Variants in ERICH2 observed in about 807,000 individuals in gnomAD.
ERICH2 encodes the protein glutamate rich 2.
Under a neutral mutation model 17.4 loss-of-function variants are expected in ERICH2, and 17 were observed. The observed-to-expected ratio is 0.98, with a 90% CI of 0.67 to 1.47. The LOEUF is 1.47. Ranked by LOEUF, ERICH2 falls within the 40% of genes most tolerant of loss-of-function variation. The pLI is 0.00. For missense variants in ERICH2, 186 were observed against 183.2 expected (o/e 1.01, Z -0.09); for synonymous variants, 51 against 61.1 (o/e 0.83, Z 0.77).
chr2:170,780,698 T>C (rs1701006069), upstream of ERICH2, among the ~76,000 whole-genome samples: 1 of 152,240 alleles, frequency 6.6e-6, no homozygotes, highest in African/African-American at 2.4e-5. Context: ...CTTACACTTA[T>C]ATTTGGCAAT....
At chr2:170,798,154 T>A in intron 4 of ERICH2, 42 bp downstream of exon 9, 1 of 1,248,710 alleles carries the variant, frequency 8.0e-7, no homozygotes, top group Non-Finnish European at 1.1e-6. Context: ...CATAGAACTA[T>A]AAGCAGTCAC....
intron 3 of ERICH2, 74 bp from the exon 9 acceptor site, chr2:170,797,967 T>G: frequency 1.0e-6 from 1 of 1,002,402 alleles, no homozygotes; most frequent in Admixed American, 2.1e-5. Flanking sequence ...CAGTTCAATT[T>G]CATTCTAAGG....
At chr2:170,781,491 G>A (rs754963157), upstream of ERICH2, among the ~76,000 whole-genome samples, 46 of 152,012 alleles carry the variant, frequency 3.0e-4, no homozygotes, top group Non-Finnish European at 5.7e-4. Context: ...AAAATTAGCC[G>A]GGCATGGTGG....
At chr2:170,798,353 AT>A (rs1167527740) in intron 4 of ERICH2, among the ~76,000 whole-genome samples, 2 of 152,170 alleles carry the variant, frequency 1.3e-5, no homozygotes, top group African/African-American at 4.8e-5. Context: ...GGCATCAGGT[AT>A]TGACAAGCAG....
At chr2:170,788,294 C>A (rs1701200303) in intron 2 of ERICH2, among the ~76,000 whole-genome samples, 1 of 152,144 alleles carries the variant, frequency 6.6e-6, no homozygotes, top group Admixed American at 6.6e-5. Context: ...CATAACTAGA[C>A]TCTCTGGAGT....
At chr2:170,782,290 A>G (rs1179143442), upstream of ERICH2, 2 of 948,566 alleles carry the variant, frequency 2.1e-6, no homozygotes, top group Non-Finnish European at 2.5e-6. Flanking sequence ...TTTACAGACT[A>G]CTGAAAATAG....
At chr2:170,788,960 TTTA>T (rs1189016038) in intron 2 of ERICH2, among the ~76,000 whole-genome samples, 2 of 149,476 alleles carry the variant, frequency 1.3e-5, no homozygotes, top group Admixed American at 6.7e-5. Flanking sequence ...TCTTTCTTTC[TTTA>T]TTTTTTTTAA....
chr2:170,775,138 T>TAAATAC, the ERICH2 span, among the ~76,000 whole-genome samples: 1 of 1,116 alleles, frequency 9.0e-4, no homozygotes, highest in African/African-American at 1.0e-3. Context: ...AGGACTGCTC[T>TAAATAC]AAAGGTGGGC....
chr2:170,772,146 T>C, the ERICH2 span, among the ~76,000 whole-genome samples: 2 of 152,210 alleles, frequency 1.3e-5, no homozygotes, highest in Non-Finnish European at 2.9e-5. Flanking sequence ...AATTCCAGCA[T>C]CTCTAGGTAT....
At chr2:170,777,645 A>G in the ERICH2 span, 1 of 1,233,636 alleles carries the variant, frequency 8.1e-7, no homozygotes. Flanking sequence ...CTCTTTCAGA[A>G]AAAGTGATGA....
At chr2:170,771,277 G>C in the ERICH2 span, 2 of 152,738 alleles carry the variant, frequency 1.3e-5, no homozygotes, top group East Asian at 3.9e-4. The surrounding 1 kb of genome is among the most constrained non-coding windows in gnomAD (Gnocchi z 4.8). Context: ...CCCCCAGACC[G>C]GGCGCCCGAG....
At chr2:170,794,825 G>A (rs889389664) in intron 3 of ERICH2, among the ~76,000 whole-genome samples, 3 of 152,232 alleles carry the variant, frequency 2.0e-5, no homozygotes, top group Non-Finnish European at 4.4e-5. Flanking sequence ...ACTGTGGATA[G>A]AGTACTTCTA....
At chr2:170,793,747 AGAGCAAT>A (rs1199300004) in intron 3 of ERICH2, among the ~76,000 whole-genome samples, 2 of 152,240 alleles carry the variant, frequency 1.3e-5, no homozygotes, top group Non-Finnish European at 2.9e-5. Flanking sequence ...GCTTTTGAGT[AGAGCAAT>A]GATATGATCT....
At chr2:170,784,829 C>T in exon 2 of ERICH2, 1 of 1,457,848 alleles carries the variant, frequency 6.9e-7, no homozygotes, top group Non-Finnish European at 9.1e-7. Flanking sequence ...GAGTTAATGG[C>T]AGAAGTAAGT....
the ERICH2 span, chr2:170,777,588 G>C: frequency 8.8e-7 from 1 of 1,135,494 alleles, no homozygotes; most frequent in Non-Finnish European, 1.1e-6. Context: ...ATTTAGAAGT[G>C]TATGTCAGGG....
chr2:170,777,633 T>C, the ERICH2 span: 1 of 1,231,840 alleles, frequency 8.1e-7, no homozygotes, highest in African/African-American at 1.5e-5. Context: ...GGGTATTTTT[T>C]TCTCTTTCAG....
At chr2:170,777,678 A>G in the ERICH2 span, 3 of 1,233,856 alleles carry the variant, frequency 2.4e-6, no homozygotes, top group African/African-American at 4.7e-5. Flanking sequence ...AAGCAATGTC[A>G]GAGTAAGAAG....
At chr2:170,790,137 CAAATT>C (rs1448344813) in intron 2 of ERICH2, among the ~76,000 whole-genome samples, 2 of 152,130 alleles carry the variant, frequency 1.3e-5, no homozygotes, top group Non-Finnish European at 2.9e-5. Context: ...ATAACAATAA[CAAATT>C]AAAACCACTT....
intron 2 of ERICH2, among the ~76,000 whole-genome samples, chr2:170,788,597 G>A (rs145516434): frequency 0.014 from 2,056 of 151,938 alleles, 57 homozygotes; most frequent in African/African-American, 0.044. Flanking sequence ...TCAGTCTCCC[G>A]AGTACCTGGG....
Sources: allele counts gnomAD v4.1 joint callset (sites outside exome capture counted in the v4.1 genomes callset), GRCh38; gene constraint gnomAD v4.1.1; non-coding constraint Gnocchi (gnomAD v3.1); transcripts MANE v1.5; gene names NCBI Gene and HGNC (gene_info 2026-07-23, HGNC 2026-07-21).